Variants in WASF2 observed in about 807,000 individuals in gnomAD.
WASF2 encodes the protein WASP family member 2.
In WASF2, 14 loss-of-function variants were observed where a neutral mutation model predicts 45.0. The ratio of observed to expected loss-of-function variants is 0.31; its 90% CI spans 0.21 to 0.49. The LOEUF is 0.49. Ranked by LOEUF, WASF2 falls within the 20% of genes least tolerant of loss-of-function variation. WASF2 has a pLI of 0.99. For missense variants in WASF2, 439 were observed against 636.1 expected (o/e 0.69, Z 3.33); for synonymous variants, 200 against 236.3 (o/e 0.85, Z 1.41).
At chr1:27,434,950 C>A (rs1039881696) in intron 1 of WASF2, among the ~76,000 whole-genome samples, 1 of 151,958 alleles carries the variant, frequency 6.6e-6, no homozygotes, top group African/African-American at 2.4e-5. Flanking sequence ...AGTTATCATG[C>A]AATTTTTTTT....
At chr1:27,409,428 CAAAAAAAAAAAAAA>C (rs60940665) in intron 8 of WASF2, among the ~76,000 whole-genome samples, 1 of 43,692 alleles carries the variant, frequency 2.3e-5, no homozygotes, top group Non-Finnish European at 5.9e-5. Flanking sequence ...CTGTCCCCCA[CAAAAAAAAAAAAAA>C]AAAAAAAAAA....
At chr1:27,447,595 C>T (rs954983605) in intron 1 of WASF2, among the ~76,000 whole-genome samples, 3 of 152,096 alleles carry the variant, frequency 2.0e-5, no homozygotes, top group Non-Finnish European at 4.4e-5. Flanking sequence ...TTTTGTGGTC[C>T]GAAAAGACAG....
intron 2 of WASF2, among the ~76,000 whole-genome samples, chr1:27,425,973 G>GCC (rs1400099982): frequency 4.0e-5 from 6 of 151,782 alleles, no homozygotes; most frequent in Non-Finnish European, 5.9e-5. Flanking sequence ...CCGAGATCTC[G>GCC]CCATTGCACT....
intron 1 of WASF2, among the ~76,000 whole-genome samples, chr1:27,438,807 TC>T (rs2017171052): frequency 6.6e-6 from 1 of 152,288 alleles, no homozygotes; most frequent in Non-Finnish European, 1.5e-5. Flanking sequence ...TATGAACTAC[TC>T]AATAGCCAGC....
At chr1:27,436,628 C>G (rs2017141833) in intron 1 of WASF2, among the ~76,000 whole-genome samples, 1 of 152,160 alleles carries the variant, frequency 6.6e-6, no homozygotes, top group Non-Finnish European at 1.5e-5. Flanking sequence ...TTGCATATAG[C>G]AGTCCTCATT....
intron 1 of WASF2, among the ~76,000 whole-genome samples, chr1:27,456,196 C>A (rs2017464255): frequency 6.6e-6 from 1 of 151,762 alleles, no homozygotes. Context: ...GTGGCGGGCA[C>A]CTGTAGTCCC....
At chr1:27,444,611 T>A (rs960251763) in intron 1 of WASF2, among the ~76,000 whole-genome samples, 1 of 152,194 alleles carries the variant, frequency 6.6e-6, no homozygotes, top group African/African-American at 2.4e-5. Context: ...TTTATTTGGT[T>A]TCAGTGGAGG....
chr1:27,445,887 T>C (rs938255600), intron 1 of WASF2, among the ~76,000 whole-genome samples: 22 of 151,516 alleles, frequency 1.5e-4, no homozygotes, highest in African/African-American at 5.1e-4. Context: ...TCTTTTACAA[T>C]GAACTAAAAC....
chr1:27,471,188 AC>A (rs2017683207), intron 1 of WASF2, among the ~76,000 whole-genome samples: 1 of 151,840 alleles, frequency 6.6e-6, no homozygotes. Flanking sequence ...TACTAAAAAT[AC>A]AAAAAATTAG....
intron 1 of WASF2, among the ~76,000 whole-genome samples, chr1:27,479,312 T>C (rs1402496471): frequency 6.6e-6 from 1 of 151,304 alleles, no homozygotes; most frequent in Non-Finnish European, 1.5e-5. Context: ...TTGGCTAGGC[T>C]TGGTGGCTTA....
chr1:27,472,324 C>CA (rs201360272), intron 1 of WASF2, among the ~76,000 whole-genome samples: 2,716 of 81,358 alleles, frequency 0.033, 73 homozygotes, highest in African/African-American at 0.085. Flanking sequence ...GACGCCAACT[C>CA]AAAAAAAAAA....
intron 2 of WASF2, among the ~76,000 whole-genome samples, chr1:27,427,284 A>C (rs927850255): frequency 3.9e-5 from 6 of 152,226 alleles, no homozygotes; most frequent in African/African-American, 1.4e-4. Context: ...GCATCCATCA[A>C]CACCACCCTG....
intron 1 of WASF2, among the ~76,000 whole-genome samples, chr1:27,456,853 A>G (rs1032454633): frequency 6.6e-6 from 1 of 151,020 alleles, no homozygotes; most frequent in Non-Finnish European, 1.5e-5. Flanking sequence ...CTCCTGCCTC[A>G]GCCTCCCAAG....
intron 1 of WASF2, among the ~76,000 whole-genome samples, chr1:27,441,522 G>A (rs549200701): frequency 2.0e-5 from 3 of 152,144 alleles, no homozygotes; most frequent in African/African-American, 7.2e-5. Flanking sequence ...GGGAGGCCGA[G>A]GTGGGCGGAT....
intron 1 of WASF2, among the ~76,000 whole-genome samples, chr1:27,454,803 A>G (rs1243349257): frequency 6.6e-6 from 1 of 151,974 alleles, no homozygotes; most frequent in Non-Finnish European, 1.5e-5. Flanking sequence ...ACTGCTATAT[A>G]GTATTCTATT....
chr1:27,431,921 C>T (rs1415619442), intron 1 of WASF2, among the ~76,000 whole-genome samples: 3 of 152,208 alleles, frequency 2.0e-5, no homozygotes, highest in Non-Finnish European at 2.9e-5. Flanking sequence ...ATGTCAATAT[C>T]TATTAGGACA....
chr1:27,487,342 A>T (rs1467763646), intron 1 of WASF2, among the ~76,000 whole-genome samples: 1 of 140,846 alleles, frequency 7.1e-6, no homozygotes, highest in Non-Finnish European at 1.5e-5. Flanking sequence ...CTCGTGATCC[A>T]CCCGCCTCGG....
At chr1:27,442,399 C>G (rs2017249449) in intron 1 of WASF2, among the ~76,000 whole-genome samples, 1 of 151,688 alleles carries the variant, frequency 6.6e-6, no homozygotes, top group African/African-American at 2.4e-5. Context: ...CAAAACTTAG[C>G]CAGGCGTGGT....
At position 27,419,108 on chromosome 1, in the gene WASF2, C is replaced by T; in HGVS notation, c.131-20G>A. 1 of 1,612,654 alleles carries T rather than the reference C, an allele frequency of 6.2e-7. No homozygotes were observed. The highest frequency in any genetic ancestry group is 8.5e-7 in the Non-Finnish European group (1 of 1,179,024). ...ATTTACCTGGAAAGAGCAAAGAAAC[C>T]AAGTCACTAGTGCATAGAAGTAACG... On this transcript the variant is annotated intron_variant, in intron 2 of 8. Transcript: ENST00000618852.
Sources: gnomAD v4.1 joint callset for allele counts (sites outside exome capture counted in the v4.1 genomes callset) on GRCh38, gnomAD v4.1.1 for gene constraint, MANE v1.5 for transcripts, NCBI Gene and HGNC (gene_info 2026-07-23, HGNC 2026-07-21) for gene names.